The following CFAP299 variants were observed in gnomAD, a reference collection of about 807,000 sequenced individuals.
CFAP299 encodes cilia and flagella associated protein 299, also known as cilia- and flagella-associated protein 299.
In CFAP299, 21 loss-of-function variants were observed where a neutral mutation model predicts 27.0. The observed-to-expected ratio is 0.78, with a 90% CI of 0.55 to 1.12. The LOEUF is 1.12. Ranked by LOEUF, CFAP299 falls within the 50% of genes most tolerant of loss-of-function variation. The probability of loss-of-function intolerance (pLI) is 0.00; values close to 1 mark genes in which losing one functional copy is unlikely to be tolerated. For synonymous variants in CFAP299, 104 were observed against 98.1 expected, an observed-to-expected ratio of 1.06 and a Z score of -0.36; for missense variants, 310 against 276.6, an observed-to-expected ratio of 1.12 and a Z score of -0.86.
chr4:80,513,328 A>T (rs919862646), intron 2 of CFAP299, among the ~76,000 whole-genome samples: 2 of 152,202 alleles, frequency 1.3e-5, no homozygotes, highest in Non-Finnish European at 2.9e-5. Context: ...AGCAAGCATC[A>T]GCAAACTTCT....
chr4:80,899,208 G>T (rs903503403), intron 4 of CFAP299, among the ~76,000 whole-genome samples: 3 of 152,172 alleles, frequency 2.0e-5, no homozygotes, highest in Non-Finnish European at 2.9e-5. Context: ...CTGGCACATA[G>T]CATATGCAAG....
chr4:80,718,046 G>C (rs566299487), intron 3 of CFAP299, among the ~76,000 whole-genome samples: 44 of 152,146 alleles, frequency 2.9e-4, no homozygotes, highest in Admixed American at 2.2e-3. Context: ...CTTGAAACCA[G>C]AGTATTTATA....
At position 80,388,532 on chromosome 4, in the gene CFAP299, A is replaced by G. The variant is rs1456249424; in HGVS notation, c.242+25648A>G. ...GGTCATAAACACTGGCAGCGAGTTGAATTGCTTCTTACACTTCCCACAGAG... is the reference window on the plus strand; with the variant it reads ...GGTCATAAACACTGGCAGCGAGTTGGATTGCTTCTTACACTTCCCACAGAG... On this transcript the variant is annotated intron_variant, in intron 2 of 5. Coordinates refer to ENST00000358105, the MANE Select transcript of CFAP299 (RefSeq NM_152770.3). 5 of 1,451,988 alleles carry G rather than the reference A, an allele frequency of 3.4e-6. No individual in the cohort carries two copies. In the African/African-American group the frequency reaches 5.8e-5, roughly 17 times the overall value. 89.9% of individuals were successfully genotyped at this position (1,451,988 alleles called of 1,614,324 possible). A position where few individuals can be genotyped will look rare whatever the true frequency, so the allele number is the denominator to read the frequency against.
intron 2 of CFAP299, among the ~76,000 whole-genome samples, chr4:80,470,589 C>T (rs1469542691): frequency 6.6e-6 from 1 of 152,128 alleles, no homozygotes; most frequent in Non-Finnish European, 1.5e-5. Context: ...TTTTCTTCGA[C>T]TTCAATTGGG....
chr4:80,940,518 G>C (rs374119253), intron 4 of CFAP299, among the ~76,000 whole-genome samples: 1 of 152,074 alleles, frequency 6.6e-6, no homozygotes, highest in Non-Finnish European at 1.5e-5. Flanking sequence ...CCACGAACGG[G>C]GTTCTAGAAT....
intron 3 of CFAP299, among the ~76,000 whole-genome samples, chr4:80,714,711 G>A (rs1388213708): frequency 5.3e-5 from 8 of 151,710 alleles, no homozygotes; most frequent in South Asian, 4.2e-4. Context: ...ACCTTGCTAC[G>A]TGCTCTTTCC....
intron 4 of CFAP299, among the ~76,000 whole-genome samples, chr4:80,930,530 C>T (rs573620909): frequency 1.3e-5 from 2 of 152,252 alleles, no homozygotes; most frequent in East Asian, 3.9e-4. Context: ...CTCACACTAT[C>T]TCCAGGTAGA....
chr4:80,943,679 G>A (rs1267761414), intron 4 of CFAP299, among the ~76,000 whole-genome samples: 3 of 151,874 alleles, frequency 2.0e-5, no homozygotes, highest in African/African-American at 7.3e-5. Context: ...AATATATTGA[G>A]GATTCTTTCA....
At chr4:80,861,500 C>T (rs988445785) in intron 3 of CFAP299, among the ~76,000 whole-genome samples, 9 of 152,294 alleles carry the variant, frequency 5.9e-5, no homozygotes, top group South Asian at 2.1e-4. Flanking sequence ...CCGTCTTCTG[C>T]GTCACTCATG....
At chr4:80,777,904 G>A (rs1311172272) in intron 3 of CFAP299, among the ~76,000 whole-genome samples, 1 of 151,988 alleles carries the variant, frequency 6.6e-6, no homozygotes, top group Admixed American at 6.6e-5. Context: ...TTTTGAAGCT[G>A]GTCAATAGGT....
At chr4:80,387,815 T>C in intron 2 of CFAP299, 1 of 1,558,444 alleles carries the variant, frequency 6.4e-7, no homozygotes, top group Non-Finnish European at 8.8e-7. Context: ...GCCTTTGGCT[T>C]CCCTGTAGCT....
At chr4:80,864,578 C>T (rs1397551320) in intron 3 of CFAP299, among the ~76,000 whole-genome samples, 1 of 148,876 alleles carries the variant, frequency 6.7e-6, no homozygotes, top group Non-Finnish European at 1.5e-5. Flanking sequence ...ACGTTTGTTT[C>T]AATTTTAGCT....
At chr4:80,429,171 C>G (rs962022699) in intron 2 of CFAP299, among the ~76,000 whole-genome samples, 1 of 152,306 alleles carries the variant, frequency 6.6e-6, no homozygotes, top group East Asian at 1.9e-4. Flanking sequence ...TATAAAATCA[C>G]TCATCAGCTG....
chr4:80,763,067 C>T (rs778609981), intron 3 of CFAP299, among the ~76,000 whole-genome samples: 1 of 151,994 alleles, frequency 6.6e-6, no homozygotes, highest in East Asian at 1.9e-4. Flanking sequence ...TGATATGTAC[C>T]CTCTGTAAAA....
At chr4:80,715,110 C>G (rs919320054) in intron 3 of CFAP299, among the ~76,000 whole-genome samples, 1 of 152,060 alleles carries the variant, frequency 6.6e-6, no homozygotes, top group Non-Finnish European at 1.5e-5. Flanking sequence ...ATCTTAGTTT[C>G]TCTTCTCAAA....
intron 1 of CFAP299, among the ~76,000 whole-genome samples, chr4:80,344,868 T>A (rs1722647567): frequency 6.6e-6 from 1 of 152,148 alleles, no homozygotes; most frequent in African/African-American, 2.4e-5. Context: ...ATTCATCATA[T>A]AAACATAACT....
intron 2 of CFAP299, among the ~76,000 whole-genome samples, chr4:80,570,148 A>T (rs1347325378): frequency 6.6e-6 from 1 of 152,120 alleles, no homozygotes; most frequent in East Asian, 1.9e-4. Flanking sequence ...TATTTGATAC[A>T]TGACAAAAGA....
At chr4:80,874,507 A>G (rs1187198524) in intron 4 of CFAP299, among the ~76,000 whole-genome samples, 1 of 152,194 alleles carries the variant, frequency 6.6e-6, no homozygotes, top group Non-Finnish European at 1.5e-5. Context: ...AACAATAGAA[A>G]TTTATTTATC....
At chr4:80,561,940 A>G (rs567546314) in intron 2 of CFAP299, among the ~76,000 whole-genome samples, 22 of 152,274 alleles carry the variant, frequency 1.4e-4, no homozygotes, top group Non-Finnish European at 2.8e-4. Flanking sequence ...AATAACTACA[A>G]CAACTTTTTA....
Sources: allele counts gnomAD v4.1 joint callset (sites outside exome capture counted in the v4.1 genomes callset), GRCh38; gene constraint gnomAD v4.1.1; transcripts MANE v1.5; gene names NCBI Gene and HGNC (gene_info 2026-07-23, HGNC 2026-07-21).